Variants in BSN observed in about 807,000 individuals in gnomAD.
BSN encodes protein bassoon.
A neutral mutation model predicts 264.8 loss-of-function variants in BSN; 57 were observed. That is an observed-to-expected ratio of 0.22 (90% CI 0.17 to 0.27). BSN has a LOEUF of 0.27. Among genes scored for constraint, BSN ranks in the 10% least tolerant of loss-of-function variants. The pLI is 1.00. For missense variants in BSN, 4,615 were observed against 5,232.5 expected (o/e 0.88, Z 3.64); for synonymous variants, 2,059 against 2,137.3 (o/e 0.96, Z 1.01).
intron 1 of BSN, among the ~76,000 whole-genome samples, chr3:49,603,007 C>T (rs1168388981): frequency 6.6e-6 from 1 of 152,240 alleles, no homozygotes; most frequent in Admixed American, 6.5e-5. Flanking sequence ...TGCAGTGTTG[C>T]TCCTGGCACT....
At chr3:49,644,900 A>G (rs1028921354) in intron 3 of BSN, among the ~76,000 whole-genome samples, 16 of 152,362 alleles carry the variant, frequency 1.1e-4, no homozygotes, top group African/African-American at 3.6e-4. Flanking sequence ...GGCCACGGGA[A>G]GTGCTGATTC....
Position 49,661,596 on chromosome 3 carries a change from A to G in BSN, c.9751A>G (p.Ser3251Gly). The stretch of plus-strand genomic sequence containing the variant: ...GGACAGCACCTCTACTGCTCCTGAT[A>G]GCCAACGGCTGGAGCCCCTGGGGCC... Reference protein sequence around the residue: ...TKDSTSTAPDSQRLEPLGPGS... With the variant: ...TKDSTSTAPDGQRLEPLGPGS... The change falls in exon 6 of 12, where the codon AGC (serine) becomes GGC (glycine). Residue 3251 changes from serine to glycine, a missense_variant. By Grantham distance (56) the Ser-to-Gly change is moderately conservative. This residue lies in a region of BSN where 3,415 missense variants were observed against 3,866.4 expected (regional missense o/e 0.88). Coordinates refer to ENST00000296452, the MANE Select transcript of BSN (RefSeq NM_003458.4). The G allele has an allele frequency of 1.2e-6, 2 of 1,613,842 alleles. No individual in the cohort carries two copies. The highest frequency in any genetic ancestry group is 1.7e-6 in the Non-Finnish European group (2 of 1,180,040).
chr3:49,635,369 G>C (rs1294857511), intron 2 of BSN, among the ~76,000 whole-genome samples: 1 of 152,132 alleles, frequency 6.6e-6, no homozygotes, highest in Non-Finnish European at 1.5e-5. Context: ...AAGGGATCCA[G>C]GAGGGGAGAA....
chr3:49,614,305 C>T (rs1039315267), intron 1 of BSN, among the ~76,000 whole-genome samples: 2 of 151,936 alleles, frequency 1.3e-5, no homozygotes, highest in African/African-American at 2.4e-5. Flanking sequence ...GTGATCCACC[C>T]GCCTTGGCCT....
chr3:49,655,775 C>A lies in BSN; in HGVS notation c.6219C>A (p.Tyr2073Ter). ...SVSNIYSDHR[Y>*]GPRGDAVGFQ... ...CGAACATCTACTCAGACCACAGGTA[C>A]GGCCCACGGGGAGATGCAGTTGGCT... Residue 2073 changes from tyrosine (Y) to a stop codon, truncating the protein, a stop_gained, in exon 5 of 12, where the codon TAC becomes TAA. Coordinates refer to ENST00000296452, the MANE Select transcript of BSN (RefSeq NM_003458.4). LOFTEE classifies it high-confidence loss of function. 1.2e-6 allele frequency: 2 copies of A among 1,613,478 alleles called. No individual in the cohort carries two copies. The highest frequency in any genetic ancestry group is 8.5e-7 in the Non-Finnish European group (1 of 1,180,042).
Position 49,662,536 on chromosome 3 carries a change from C to T in BSN, c.10691C>T (p.Ser3564Phe), listed in dbSNP as rs1400899848. 5.0e-6 allele frequency: 8 copies of T among 1,595,956 alleles called. No homozygotes were observed. The highest frequency in any genetic ancestry group is 6.8e-6 in the Non-Finnish European group (8 of 1,170,724). Residue 3564 changes from serine to phenylalanine, a missense_variant, in exon 6 of 12, where the codon TCC (serine) becomes TTC (phenylalanine). Transcript: ENST00000296452. Reference sequence around the variant, plus strand: ...GAGGAGGGCTACATCCTGGATGATTCCCATTGCGTGGTTTCCGACAGCGAA... The same window carrying T: ...GAGGAGGGCTACATCCTGGATGATTTCCATTGCGTGGTTTCCGACAGCGAA... ...KREEGYILDD[S>F]HCVVSDSEAY... is the part of the protein sequence containing the mutation.
At chr3:49,644,448 A>G (rs907497130) in intron 3 of BSN, among the ~76,000 whole-genome samples, 8 of 152,076 alleles carry the variant, frequency 5.3e-5, no homozygotes, top group African/African-American at 1.7e-4. Flanking sequence ...CAAAGGCCAC[A>G]CTTTCCAATA....
At chr3:49,619,362 A>G (rs565172678) in intron 1 of BSN, among the ~76,000 whole-genome samples, 30 of 152,350 alleles carry the variant, frequency 2.0e-4, no homozygotes, top group Middle Eastern at 3.4e-3. Flanking sequence ...CCACGTAAGC[A>G]GCTCTTCAGA....
rs765475905 is a variant in BSN at position 49,661,784 on chromosome 3, A to G, written c.9939A>G (p.Arg3313=). ...TCCGGAGCATGGAGAGCAATGGTCG[A>G]CCAGCCAGTACCCACTACTATGGTG... ...GHLRSMESNG[R]PASTHYYGDS... Residue 3313 remains arginine (R), a synonymous_variant, in exon 6 of 12, where the codon CGA becomes CGG. Coordinates refer to ENST00000296452, the MANE Select transcript of BSN (RefSeq NM_003458.4). The G allele has an allele frequency of 1.2e-6, 2 of 1,612,628 alleles. No individual in the cohort carries two copies. Among genetic ancestry groups the G allele is most frequent in the African/African-American group, 1.3e-5 (1 of 75,032 alleles).
rs750415602 is a variant in BSN, at chr3:49,642,538, G to T, written c.904G>T (p.Val302Leu). 8.2e-6 allele frequency: 13 copies of T among 1,590,370 alleles called. No homozygotes were observed. The East Asian group carries it at 2.5e-4, about 30-fold the overall frequency. ...QAAAPPEVGR[V>L]SPQPPQPTKP... ...AGCTGCCCCTCCAGAGGTGGGGAGG[G>T]TGTCTCCTCAGCCCCCTCAACCCAC... is the stretch of plus-strand genomic sequence containing the variant. The change falls in exon 3 of 12, where the codon GTG becomes TTG. Residue 302 changes from valine to leucine, a missense_variant. Val to Leu is a conservative substitution (Grantham distance 32). This residue lies in a region of BSN where 1,197 missense variants were observed against 1,348.0 expected (regional missense o/e 0.89). Transcript: ENST00000296452. The surrounding 1 kb of genome is among the most constrained non-coding windows in gnomAD (Gnocchi z 7.0).
chr3:49,587,927 C>CTTTTCTTTTCTTTTCT (rs144431423), intron 1 of BSN, among the ~76,000 whole-genome samples: 66 of 138,272 alleles, frequency 4.8e-4, no homozygotes, highest in East Asian at 1.0e-3. Context: ...CTTTTCTTTT[C>CTTTTCTTTTCTTTTCT]TTTTTTTTTT....
chr3:49,601,284 T>C (rs986131985), intron 1 of BSN, among the ~76,000 whole-genome samples: 3 of 152,162 alleles, frequency 2.0e-5, no homozygotes, highest in Admixed American at 6.5e-5. Context: ...TGGTCTGCAG[T>C]GCAGGTGGCA....
intron 1 of BSN, among the ~76,000 whole-genome samples, chr3:49,606,894 T>G (rs2052157385): frequency 6.6e-6 from 1 of 152,110 alleles, no homozygotes; most frequent in Non-Finnish European, 1.5e-5. Context: ...GGCGGGCGGA[T>G]CACCTGAGGT....
chr3:49,633,753 C>T (rs35007338), intron 2 of BSN, among the ~76,000 whole-genome samples: 79,469 of 152,022 alleles, frequency 0.52, 21,938 homozygotes, highest in East Asian at 0.94. Context: ...TATCATTCAG[C>T]CTTAAAGAGG....
intron 1 of BSN, 81 bp downstream of exon 1, chr3:49,554,907 T>G (rs1201140784): frequency 2.3e-6 from 2 of 866,212 alleles, no homozygotes; most frequent in Admixed American, 9.7e-5. Flanking sequence ...CGCGATCTAG[T>G]GTGGACAGCG....
At chr3:49,556,672 A>G (rs1055276973) in intron 1 of BSN, among the ~76,000 whole-genome samples, 1 of 152,202 alleles carries the variant, frequency 6.6e-6, no homozygotes, top group Non-Finnish European at 1.5e-5. Context: ...ATAGCACCTC[A>G]GCTGAGCAGC....
chr3:49,589,975 C>G (rs1358182927), intron 1 of BSN, among the ~76,000 whole-genome samples: 1 of 151,780 alleles, frequency 6.6e-6, no homozygotes, highest in East Asian at 1.9e-4. Context: ...GGAGATGGGA[C>G]TACAGTCGTG....
intron 1 of BSN, among the ~76,000 whole-genome samples, chr3:49,621,864 AACCTGGCAAGTC>A (rs1210921636): frequency 1.3e-5 from 2 of 152,290 alleles, no homozygotes; most frequent in African/African-American, 4.8e-5. Flanking sequence ...ATGACTTGGC[AACCTGGCAAGTC>A]ACCTTGCCAG....
chr3:49,601,174 GT>G (rs1435032976), intron 1 of BSN, among the ~76,000 whole-genome samples: 1 of 152,224 alleles, frequency 6.6e-6, no homozygotes, highest in Non-Finnish European at 1.5e-5. Context: ...AGGAGAACTG[GT>G]TCTCCAAGAG....
Sources: gnomAD v4.1 joint callset for allele counts (sites outside exome capture counted in the v4.1 genomes callset) on GRCh38, gnomAD v4.1.1 for gene constraint, gnomAD v4.1.1 regional missense constraint, Gnocchi (gnomAD v3.1) non-coding constraint, MANE v1.5 for transcripts, NCBI Gene and HGNC (gene_info 2026-07-23, HGNC 2026-07-21) for gene names.